The following PTPN12 variants were observed in gnomAD, a reference collection of about 807,000 sequenced individuals.
PTPN12 encodes protein tyrosine phosphatase non-receptor type 12.
Under a neutral mutation model 97.6 loss-of-function variants are expected in PTPN12, and 29 were observed. The observed-to-expected ratio is 0.30, with a 90% confidence interval of 0.22 to 0.41. The LOEUF (loss-of-function observed/expected upper bound fraction) is 0.41, where lower values mean the gene tolerates loss of function less well. Among genes scored for constraint, PTPN12 ranks in the 10% least tolerant of loss-of-function variants. The pLI, the probability that PTPN12 is intolerant of heterozygous loss-of-function variation, is 1.00. For missense variants in PTPN12, 819 were observed against 926.0 expected (o/e 0.88, Z 1.50); for synonymous variants, 327 against 300.4 (o/e 1.09, Z -0.91).
intron 11 of PTPN12, among the ~76,000 whole-genome samples, chr7:77,613,629 A>G (rs2151379400): frequency 6.6e-6 from 1 of 152,138 alleles, no homozygotes; most frequent in East Asian, 2.0e-4. Flanking sequence ...CGAAGCAGGC[A>G]GGATCACCTG....
intron 1 of PTPN12, among the ~76,000 whole-genome samples, chr7:77,562,073 A>G (rs1374452692): frequency 1.3e-5 from 2 of 150,600 alleles, no homozygotes; most frequent in African/African-American, 5.0e-5. Flanking sequence ...TTATTTTTTG[A>G]GACAGAGTCT....
rs375165418 is a variant in PTPN12, at chr7:77,618,490, A to G, written c.950A>G (p.Asn317Ser). 1.9e-6 allele frequency: 3 copies of G among 1,594,222 alleles called. 1 individual carries two copies. The Admixed American group carries it at 5.1e-5, about 27-fold the overall frequency. Residue 317 changes from asparagine to serine, a missense_variant, in exon 12 of 18, where the codon AAC (asparagine) becomes AGC (serine). By Grantham distance (46) the Asn-to-Ser change is conservative (BLOSUM62 1). Around this residue, in one of 5 missense-constraint regions of PTPN12, gnomAD observed 607 missense variants for 577.3 expected, o/e 1.05. Transcript: ENST00000248594. ...QKIADGVNEI[N>S]TENMVSSIEP... Reference sequence around the variant, plus strand: ...TTTTTCCCTTGGCAGAATGAAATTAACACTGAAAACATGGTCAGCTCCATA... The same window carrying G: ...TTTTTCCCTTGGCAGAATGAAATTAGCACTGAAAACATGGTCAGCTCCATA...
At chr7:77,545,572 A>AT in intron 1 of PTPN12, among the ~76,000 whole-genome samples, 1 of 151,404 alleles carries the variant, frequency 6.6e-6, no homozygotes, top group African/African-American at 2.4e-5. Context: ...TGATTCCCTG[A>AT]TTTTTCCCTT....
intron 5 of PTPN12, among the ~76,000 whole-genome samples, chr7:77,590,997 A>G (rs751338151): frequency 2.0e-5 from 3 of 152,122 alleles, no homozygotes; most frequent in Non-Finnish European, 2.9e-5. Context: ...TGATTGCACC[A>G]CTGCACACTC....
intron 14 of PTPN12, 111 bp from the exon 15 acceptor site, chr7:77,635,671 G>GGAATTTTGTAGCGATACAAAATTTC (rs1789562665): frequency 3.5e-6 from 2 of 570,418 alleles, no homozygotes; most frequent in African/African-American, 3.9e-5. Context: ...CAAAATTTTT[G>GGAATTTTGTAGCGATACAAAATTTC]TGGAAGCGAT....
At chr7:77,626,048 A>G (rs985374194) in intron 12 of PTPN12, among the ~76,000 whole-genome samples, 4 of 152,138 alleles carry the variant, frequency 2.6e-5, no homozygotes, top group African/African-American at 9.7e-5. Flanking sequence ...GGAGGCCAAA[A>G]GTTACTAACA....
intron 2 of PTPN12, among the ~76,000 whole-genome samples, chr7:77,576,723 T>C (rs939277569): frequency 1.3e-5 from 2 of 152,018 alleles, no homozygotes; most frequent in Non-Finnish European, 2.9e-5. Context: ...CAATGAAGAA[T>C]ATTAAAACAG....
At chr7:77,580,701 A>AT (rs1787486320) in intron 2 of PTPN12, among the ~76,000 whole-genome samples, 2 of 152,160 alleles carry the variant, frequency 1.3e-5, no homozygotes, top group South Asian at 4.1e-4. Flanking sequence ...TTTTTACTCT[A>AT]TTACCTAATA....
intron 8 of PTPN12, 158 bp from the exon 9 acceptor site, chr7:77,607,077 T>C (rs1788400194): frequency 3.6e-6 from 2 of 559,650 alleles, no homozygotes; most frequent in Admixed American, 6.6e-5. Context: ...GATGTTGCCA[T>C]GAACACACTG....
intron 2 of PTPN12, among the ~76,000 whole-genome samples, chr7:77,577,799 AT>A (rs1741038134): frequency 6.6e-6 from 1 of 152,126 alleles, no homozygotes; most frequent in Non-Finnish European, 1.5e-5. Context: ...TAAAAAGGGT[AT>A]TTCTGTGCCC....
intron 1 of PTPN12, among the ~76,000 whole-genome samples, chr7:77,568,762 G>A (rs1040717598): frequency 1.3e-5 from 2 of 152,178 alleles, no homozygotes; most frequent in South Asian, 2.1e-4. Context: ...ATTTTTTCTC[G>A]CTGACATTGA....
At chr7:77,546,436 G>C (rs1007527107) in intron 1 of PTPN12, among the ~76,000 whole-genome samples, 1 of 152,172 alleles carries the variant, frequency 6.6e-6, no homozygotes, top group Non-Finnish European at 1.5e-5. Flanking sequence ...AATATGAGTT[G>C]AACTCCTCTT....
Position 77,626,614 on chromosome 7 carries a change from G to A in PTPN12, c.1026-91G>A, listed in dbSNP as rs571443271. The A allele has an allele frequency of 4.5e-6, 6 of 1,348,002 alleles. No individual in the cohort carries two copies. The East Asian group carries it at 1.2e-4, about 26-fold the overall frequency. 83.5% of individuals were successfully genotyped at this position (1,348,002 alleles called of 1,614,324 possible). A position where few individuals can be genotyped will look rare whatever the true frequency, so the allele number is the denominator to read the frequency against. On this transcript the variant is annotated intron_variant, in intron 12 of 17. Transcript: ENST00000248594. ...TTTTATTCGCAACCAGATTGTAATG[G>A]CTCTTAATATGCTACTCTTAGCTAC...
chr7:77,572,147 T>C (rs1584126648), intron 2 of PTPN12, among the ~76,000 whole-genome samples: 1 of 149,760 alleles, frequency 6.7e-6, no homozygotes, highest in African/African-American at 2.5e-5. Context: ...CAGGCTGGAG[T>C]GCGGTGGTGG....
At chr7:77,558,759 A>G (rs1261209824) in intron 1 of PTPN12, among the ~76,000 whole-genome samples, 1 of 152,200 alleles carries the variant, frequency 6.6e-6, no homozygotes, top group Admixed American at 6.5e-5. Flanking sequence ...CCAGTGGCTC[A>G]ATTGTGTAAT....
chr7:77,554,754 A>C (rs1179449858), intron 1 of PTPN12, among the ~76,000 whole-genome samples: 1 of 152,198 alleles, frequency 6.6e-6, no homozygotes, highest in Admixed American at 6.5e-5. Context: ...ATCATGGCAC[A>C]CTGCAGCCTT....
At position 77,627,039 on chromosome 7, in the gene PTPN12, A is replaced by G. The variant is rs1362204309; in HGVS notation, c.1360A>G (p.Thr454Ala). The part of the protein sequence containing the change: ...QEGPKSFDGN[T>A]LLNRGHAIKI... The stretch of plus-strand genomic sequence containing the variant: ...GGGACCAAAAAGTTTTGATGGGAAC[A>G]CACTTTTGAATAGGGGACATGCAAT... The change falls in exon 13 of 18, where the codon ACA becomes GCA. Residue 454 changes from threonine (T) to alanine (A), a missense_variant. Transcript: ENST00000248594. 1 of 1,612,370 alleles carries G rather than the reference A, an allele frequency of 6.2e-7. No individual in the cohort carries two copies. The highest frequency in any genetic ancestry group is 1.7e-5 in the Admixed American group (1 of 59,534).
At chr7:77,620,022 C>T (rs1788879049) in intron 12 of PTPN12, among the ~76,000 whole-genome samples, 1 of 152,180 alleles carries the variant, frequency 6.6e-6, no homozygotes, top group Non-Finnish European at 1.5e-5. Flanking sequence ...AGTTCTCTAA[C>T]TTCTCTGTTC....
chr7:77,603,375 A>G lies in PTPN12; in HGVS notation c.695+2569A>G, dbSNP rs34637498. Among the ~76,000 whole-genome samples the G allele has an allele frequency of 5.7e-3, 868 of 152,372 alleles. 6 individuals carry two copies. The highest frequency in any genetic ancestry group is 9.7e-3 in the Non-Finnish European group (658 of 68,028). On this transcript the variant is annotated intron_variant, in intron 8 of 17. Coordinates refer to ENST00000248594, the MANE Select transcript of PTPN12 (RefSeq NM_002835.4). ...TTAACTGTAAGGACTTAGAAAACAC[A>G]TCCATAAAAGCAAGAAAATTCTTTT...
Sources: allele counts gnomAD v4.1 joint callset (sites outside exome capture counted in the v4.1 genomes callset), GRCh38; gene constraint gnomAD v4.1.1; regional missense constraint gnomAD v4.1.1; transcripts MANE v1.5; gene names NCBI Gene and HGNC (gene_info 2026-07-23, HGNC 2026-07-21).